GALNT17: variants seen among roughly 807,000 people sequenced by gnomAD.
The protein encoded by GALNT17 is polypeptide N-acetylgalactosaminyltransferase 17.
In GALNT17, 29 loss-of-function variants were observed where a neutral mutation model predicts 63.7. The observed-to-expected ratio is 0.46, with a 90% CI of 0.34 to 0.62. The LOEUF (loss-of-function observed/expected upper bound fraction) is 0.62. GALNT17 is among the 20% of genes least tolerant of loss of function. GALNT17 has a pLI of 0.01. For missense variants in GALNT17, 603 were observed against 799.6 expected, an observed-to-expected ratio of 0.75 and a Z score of 2.97; for synonymous variants, 305 against 318.3, an observed-to-expected ratio of 0.96 and a Z score of 0.45.
intron 1 of GALNT17, among the ~76,000 whole-genome samples, chr7:71,314,021 G>GA (rs1250906182): frequency 2.6e-5 from 4 of 152,132 alleles, no homozygotes; most frequent in Admixed American, 1.3e-4. Context: ...AATGGATTTT[G>GA]AAAAAGATTA....
intron 5 of GALNT17, among the ~76,000 whole-genome samples, chr7:71,498,082 A>T (rs570312221): frequency 6.6e-6 from 1 of 152,192 alleles, no homozygotes; most frequent in Non-Finnish European, 1.5e-5. Context: ...GGGGTAGCAG[A>T]GGTTATTCCT....
intron 3 of GALNT17, among the ~76,000 whole-genome samples, chr7:71,410,434 C>T (rs767674024): frequency 2.6e-5 from 4 of 152,038 alleles, no homozygotes; most frequent in African/African-American, 4.8e-5. Flanking sequence ...TTAGTAGAGA[C>T]GGGGTTTCAC....
intron 5 of GALNT17, among the ~76,000 whole-genome samples, chr7:71,519,664 G>A (rs1040251887): frequency 2.8e-4 from 43 of 151,980 alleles, no homozygotes; most frequent in African/African-American, 9.9e-4. Context: ...AGATTTTACC[G>A]TATTGGCCAG....
At chr7:71,422,741 T>C (rs554794660) in intron 5 of GALNT17, among the ~76,000 whole-genome samples, 78 of 152,352 alleles carry the variant, frequency 5.1e-4, no homozygotes, top group Non-Finnish European at 8.8e-4. Context: ...GTTAATCAGC[T>C]TACTTAGACC....
chr7:71,536,779 A>G (rs539168344), intron 5 of GALNT17, among the ~76,000 whole-genome samples: 4 of 152,322 alleles, frequency 2.6e-5, no homozygotes, highest in Admixed American at 6.5e-5. Flanking sequence ...AACGACAGCA[A>G]TAAAGATAAG....
At chr7:71,408,362 C>T (rs1793366650) in intron 3 of GALNT17, among the ~76,000 whole-genome samples, 2 of 152,236 alleles carry the variant, frequency 1.3e-5, no homozygotes. Flanking sequence ...TCAGCAGCTG[C>T]TGGTGGGGAG....
At chr7:71,617,589 G>C (rs1790231827) in intron 6 of GALNT17, among the ~76,000 whole-genome samples, 1 of 151,586 alleles carries the variant, frequency 6.6e-6, no homozygotes, top group African/African-American at 2.4e-5. Context: ...CAAAGTGCCG[G>C]GTTTACAGGC....
intron 2 of GALNT17, among the ~76,000 whole-genome samples, chr7:71,368,594 C>T (rs1159334802): frequency 1.3e-5 from 2 of 152,084 alleles, no homozygotes; most frequent in African/African-American, 2.4e-5. Context: ...TCTCTTGTCG[C>T]ATTTATCCTT....
intron 2 of GALNT17, among the ~76,000 whole-genome samples, chr7:71,363,322 T>C (rs1347118271): frequency 6.6e-6 from 1 of 152,180 alleles, no homozygotes; most frequent in Non-Finnish European, 1.5e-5. Flanking sequence ...TTTTGGAGTG[T>C]AGATGGTGTA....
At chr7:71,533,848 G>C (rs1294858442) in intron 5 of GALNT17, among the ~76,000 whole-genome samples, 7 of 152,118 alleles carry the variant, frequency 4.6e-5, no homozygotes, top group Admixed American at 3.3e-4. Context: ...CTAAAGTCAG[G>C]GGTTTACATA....
At chr7:71,542,815 T>C (rs1458144779) in intron 5 of GALNT17, among the ~76,000 whole-genome samples, 1 of 152,030 alleles carries the variant, frequency 6.6e-6, no homozygotes, top group African/African-American at 2.4e-5. Flanking sequence ...AATTAAAATA[T>C]ACAGCAGATA....
chr7:71,368,782 C>T (rs1792561656), intron 2 of GALNT17, among the ~76,000 whole-genome samples: 1 of 152,088 alleles, frequency 6.6e-6, no homozygotes, highest in African/African-American at 2.4e-5. Flanking sequence ...TATAGACATA[C>T]TTGTTCTTCG....
At chr7:71,470,817 A>G (rs1277376144) in intron 5 of GALNT17, among the ~76,000 whole-genome samples, 2 of 152,092 alleles carry the variant, frequency 1.3e-5, no homozygotes, top group Admixed American at 1.3e-4. Flanking sequence ...CAGTGGGATC[A>G]TTGCTTTTCC....
At chr7:71,360,467 C>T (rs1178877993) in intron 2 of GALNT17, among the ~76,000 whole-genome samples, 2 of 151,452 alleles carry the variant, frequency 1.3e-5, no homozygotes, top group African/African-American at 4.9e-5. Flanking sequence ...TACCGAACTT[C>T]GGTTATCACT....
chr7:71,332,855 C>G (rs1238823075), intron 1 of GALNT17, among the ~76,000 whole-genome samples: 1 of 152,046 alleles, frequency 6.6e-6, no homozygotes, highest in East Asian at 1.9e-4. Context: ...CCACACCCAG[C>G]TAATTGTATT....
At chr7:71,157,113 T>G (rs1788250588) in intron 1 of GALNT17, among the ~76,000 whole-genome samples, 1 of 151,746 alleles carries the variant, frequency 6.6e-6, no homozygotes, top group African/African-American at 2.4e-5. Flanking sequence ...TGAGCCACTG[T>G]GCATGGTTCA....
chr7:71,336,557 G>A (rs970544843), intron 2 of GALNT17, among the ~76,000 whole-genome samples: 4 of 151,940 alleles, frequency 2.6e-5, no homozygotes, highest in African/African-American at 4.8e-5. Flanking sequence ...ATGTGTACTC[G>A]TCGTTTAGCC....
intron 1 of GALNT17, among the ~76,000 whole-genome samples, chr7:71,179,405 C>A (rs1212891684): frequency 6.6e-6 from 1 of 152,226 alleles, no homozygotes; most frequent in Non-Finnish European, 1.5e-5. Flanking sequence ...GCTCTGACCA[C>A]CTTGGGCACA....
At chr7:71,455,793 T>A (rs1358468508) in intron 5 of GALNT17, among the ~76,000 whole-genome samples, 1 of 152,182 alleles carries the variant, frequency 6.6e-6, no homozygotes, top group African/African-American at 2.4e-5. Flanking sequence ...TTTTCCTGTT[T>A]GAGTAAGAGA....
Sources: allele counts gnomAD v4.1 joint callset (sites outside exome capture counted in the v4.1 genomes callset), GRCh38; gene constraint gnomAD v4.1.1; transcripts MANE v1.5; gene names NCBI Gene and HGNC (gene_info 2026-07-23, HGNC 2026-07-21).